The following OPCML variants were observed in gnomAD, a reference collection of about 807,000 sequenced individuals.
OPCML encodes the protein opioid binding protein/cell adhesion molecule like.
A neutral mutation model predicts 37.8 loss-of-function variants in OPCML; 13 were observed. The observed-to-expected ratio is 0.34, with a 90% CI of 0.22 to 0.55. The LOEUF is 0.55. OPCML is among the 20% of genes least tolerant of loss of function. The pLI is 0.91. For synonymous variants in OPCML, 176 were observed against 168.8 expected (o/e 1.04, Z -0.33); for missense variants, 341 against 435.6 (o/e 0.78, Z 1.93).
At position 133,058,278 on chromosome 11, in the gene OPCML, C is replaced by T. The variant is rs139255633; in HGVS notation, c.62-115268G>A. On this transcript the variant is annotated intron_variant, in intron 1 of 7. Coordinates refer to ENST00000524381, the MANE Select transcript of OPCML (RefSeq NM_001012393.5). ...GAAATCACCGAGAGGTGACACATGA[C>T]GTGGAATTTAAAGGATGAGTGAAGT... is the stretch of plus-strand genomic sequence containing the variant. Among the ~76,000 whole-genome samples, 77 of 152,108 alleles carry T rather than the reference C, an allele frequency of 5.1e-4. 1 individual carries two copies. Among genetic ancestry groups the T allele is most frequent in the Middle Eastern group, 3.4e-3 (1 of 294 alleles).
intron 1 of OPCML, among the ~76,000 whole-genome samples, chr11:133,044,615 TTAATCCA>T (rs1317560779): frequency 6.6e-6 from 1 of 152,204 alleles, no homozygotes; most frequent in Non-Finnish European, 1.5e-5. Context: ...GTTACTTCCT[TTAATCCA>T]TACCGAATTC....
At chr11:132,813,585 G>C (rs901440422) in intron 2 of OPCML, among the ~76,000 whole-genome samples, 1 of 152,106 alleles carries the variant, frequency 6.6e-6, no homozygotes, top group African/African-American at 2.4e-5. Flanking sequence ...ACTCTTAGCT[G>C]ACTTCTATCT....
At chr11:133,460,451 A>T (rs1186768527) in intron 1 of OPCML, among the ~76,000 whole-genome samples, 1 of 151,880 alleles carries the variant, frequency 6.6e-6, no homozygotes, top group Non-Finnish European at 1.5e-5. Context: ...AGCAACATTG[A>T]CAAACTTTTA....
intron 1 of OPCML, chr11:133,026,638 CTTG>C (rs769978013): frequency 7.4e-5 from 71 of 964,188 alleles, no homozygotes; most frequent in Non-Finnish European, 8.6e-5. Flanking sequence ...TGACTTGCCT[CTTG>C]TTGTTTTGTG....
chr11:133,032,094 C>T (rs1947685181), intron 1 of OPCML, among the ~76,000 whole-genome samples: 1 of 152,168 alleles, frequency 6.6e-6, no homozygotes. Context: ...ATTTTTCCAA[C>T]ATCCCTTTTT....
chr11:132,481,331 C>T (rs1441215784), intron 4 of OPCML, among the ~76,000 whole-genome samples: 2 of 152,074 alleles, frequency 1.3e-5, no homozygotes, highest in African/African-American at 4.8e-5. Context: ...AAGGCCATTA[C>T]ATAATGATAA....
intron 1 of OPCML, among the ~76,000 whole-genome samples, chr11:133,476,581 A>C (rs1278033962): frequency 6.6e-6 from 1 of 152,176 alleles, no homozygotes; most frequent in Non-Finnish European, 1.5e-5. Context: ...ACAGAAATAC[A>C]TTGGGCATTT....
chr11:132,731,500 T>C (rs1017292546), intron 2 of OPCML, among the ~76,000 whole-genome samples: 1 of 152,202 alleles, frequency 6.6e-6, no homozygotes, highest in African/African-American at 2.4e-5. Context: ...TGATCAAAAG[T>C]TGAGTTATGT....
chr11:132,492,661 G>A (rs905396453), intron 4 of OPCML, among the ~76,000 whole-genome samples: 3 of 152,084 alleles, frequency 2.0e-5, no homozygotes, highest in African/African-American at 4.8e-5. Flanking sequence ...GCAGGCAGTT[G>A]AATCTGTGAC....
intron 1 of OPCML, among the ~76,000 whole-genome samples, chr11:133,510,084 C>T (rs1238179571): frequency 6.6e-6 from 1 of 152,162 alleles, no homozygotes; most frequent in African/African-American, 2.4e-5. Flanking sequence ...GTGTGCGTCT[C>T]TACAGTCACC....
At chr11:132,576,053 C>A (rs369879927) in intron 3 of OPCML, among the ~76,000 whole-genome samples, 10 of 152,010 alleles carry the variant, frequency 6.6e-5, no homozygotes, top group African/African-American at 2.2e-4. Flanking sequence ...TTGTATGTAA[C>A]CAGTTGTTTT....
chr11:133,019,551 T>C (rs539287409), intron 1 of OPCML, among the ~76,000 whole-genome samples: 15 of 152,318 alleles, frequency 9.8e-5, no homozygotes, highest in African/African-American at 3.6e-4. Context: ...CTTAATTATG[T>C]TCATTGGGTT....
At chr11:133,099,442 CTTTTTTT>C (rs35161811) in intron 1 of OPCML, among the ~76,000 whole-genome samples, 1 of 119,484 alleles carries the variant, frequency 8.4e-6, no homozygotes, top group Non-Finnish European at 1.7e-5. Context: ...TTCTTTTTTT[CTTTTTTT>C]TTTTTTTTTT....
chr11:132,626,613 C>T (rs780199532), intron 3 of OPCML, among the ~76,000 whole-genome samples: 14 of 151,800 alleles, frequency 9.2e-5, no homozygotes, highest in Admixed American at 7.9e-4. Context: ...GTAAGGGCCT[C>T]GTGACATGGC....
At chr11:133,078,920 G>T (rs1053230514) in intron 1 of OPCML, among the ~76,000 whole-genome samples, 1 of 152,056 alleles carries the variant, frequency 6.6e-6, no homozygotes, top group African/African-American at 2.4e-5. Flanking sequence ...CACCTACTAG[G>T]GGTTATAAAC....
At chr11:132,591,976 G>C (rs928024168) in intron 3 of OPCML, among the ~76,000 whole-genome samples, 3 of 152,230 alleles carry the variant, frequency 2.0e-5, no homozygotes, top group African/African-American at 7.2e-5. Context: ...CAGGCAGTGA[G>C]AGGAGATGAA....
intron 4 of OPCML, among the ~76,000 whole-genome samples, chr11:132,523,714 G>T (rs1446497107): frequency 1.3e-5 from 2 of 152,284 alleles, no homozygotes; most frequent in South Asian, 4.1e-4. Flanking sequence ...CAATCGATAT[G>T]TATAATCTTG....
chr11:132,639,199 G>A (rs1292104484), intron 3 of OPCML, among the ~76,000 whole-genome samples: 2 of 152,202 alleles, frequency 1.3e-5, no homozygotes, highest in African/African-American at 4.8e-5. Context: ...AAGAGCAGGC[G>A]GGTGGTCTGA....
At chr11:132,990,847 T>G (rs746073808) in intron 1 of OPCML, among the ~76,000 whole-genome samples, 1 of 152,212 alleles carries the variant, frequency 6.6e-6, no homozygotes, top group African/African-American at 2.4e-5. Context: ...ACTGGATTAC[T>G]GGGTGGAGTC....
Sources: gnomAD v4.1 joint callset for allele counts (sites outside exome capture counted in the v4.1 genomes callset) on GRCh38, gnomAD v4.1.1 for gene constraint, MANE v1.5 for transcripts, NCBI Gene and HGNC (gene_info 2026-07-23, HGNC 2026-07-21) for gene names.